EMC3: variants seen among roughly 807,000 people sequenced by gnomAD.
EMC3 encodes ER membrane protein complex subunit 3, also known as 30 kDa protein.
In EMC3, 13 loss-of-function variants were observed where a neutral mutation model predicts 36.6. That is an observed-to-expected ratio of 0.35 (90% confidence interval 0.23 to 0.56). The LOEUF (loss-of-function observed/expected upper bound fraction) is 0.56, where lower values mean the gene tolerates loss of function less well. Ranked by LOEUF, EMC3 falls within the 20% of genes least tolerant of loss-of-function variation. EMC3 has a pLI of 0.84. For synonymous variants in EMC3, 120 were observed against 111.9 expected, an observed-to-expected ratio of 1.07 and a Z score of -0.46; for missense variants, 220 against 324.5, an observed-to-expected ratio of 0.68 and a Z score of 2.47.
At chr3:9,973,489 C>T (rs547809882) in intron 5 of EMC3, 139 bp downstream of exon 5, 18 of 708,328 alleles carry the variant, frequency 2.5e-5, no homozygotes, top group South Asian at 1.9e-4. Context: ...CCACTGCGCC[C>T]GGCCTGTTTT....
At chr3:9,988,006 A>AG (rs1453594797), upstream of EMC3, 1 of 879,982 alleles carries the variant, frequency 1.1e-6, no homozygotes, top group African/African-American at 1.6e-5. Flanking sequence ...AGGACAAGCA[A>AG]GGTAAAGAGC....
intron 2 of EMC3, 79 bp downstream of exon 2, chr3:9,977,310 G>T: frequency 7.3e-7 from 1 of 1,365,880 alleles, no homozygotes; most frequent in East Asian, 2.3e-5. Context: ...GCTTTCCCCA[G>T]AGCCCCCTTA....
At chr3:9,992,996 C>G (rs1007406754) in intron 1 of EMC3, 194 of 1,500,828 alleles carry the variant, frequency 1.3e-4, no homozygotes, top group Non-Finnish European at 3.2e-5. Flanking sequence ...AGAGTACATT[C>G]TCTGTTCATT....
intron 7 of EMC3, among the ~76,000 whole-genome samples, chr3:9,965,941 CT>C (rs1386026162): frequency 6.6e-6 from 1 of 152,240 alleles, no homozygotes; most frequent in African/African-American, 2.4e-5. Context: ...GTTATGTCTA[CT>C]TTTTGATTAT....
chr3:9,986,933 G>T (rs1390855677), upstream of EMC3: 14 of 1,236,690 alleles, frequency 1.1e-5, no homozygotes, highest in African/African-American at 1.5e-5. Flanking sequence ...TATCGGCGGT[G>T]GCCCAGGCTC....
intron 5 of EMC3, among the ~76,000 whole-genome samples, chr3:9,972,014 CA>C (rs1030463372): frequency 1.3e-5 from 2 of 148,290 alleles, no homozygotes. Flanking sequence ...TTCTGCCATT[CA>C]AAAAAAAATA....
upstream of EMC3, among the ~76,000 whole-genome samples, chr3:9,989,914 A>G (rs1481117133): frequency 2.6e-5 from 4 of 151,348 alleles, no homozygotes; most frequent in Non-Finnish European, 5.9e-5. Context: ...CAGTTAAGAG[A>G]AGTAGTAAAA....
chr3:9,972,887 A>G (rs1469103440), intron 5 of EMC3, among the ~76,000 whole-genome samples: 38 of 140,590 alleles, frequency 2.7e-4, no homozygotes, highest in Middle Eastern at 0.01. Context: ...GGAGTGCAGC[A>G]GCGCCATCTC....
At chr3:9,986,315 T>C (rs865777224) in intron 1 of EMC3, among the ~76,000 whole-genome samples, 192 bp downstream of exon 1, 18 of 152,320 alleles carry the variant, frequency 1.2e-4, no homozygotes, top group Middle Eastern at 6.8e-3. Flanking sequence ...ATTTGATTCC[T>C]ACCTGTCTAT....
At chr3:10,007,741 C>T in intron 1 of EMC3, 1 of 1,044,058 alleles carries the variant, frequency 9.6e-7, no homozygotes. Context: ...CCCATCAGCA[C>T]CCATCAAGGA....
In EMC3 at chr3:9,974,374, T is replaced by C. The variant is rs1258839438; in HGVS notation, c.412+10A>G. 1.3e-6 allele frequency: 2 copies of C among 1,593,150 alleles called. No homozygotes were observed. The highest frequency in any genetic ancestry group is 1.7e-5 in the Admixed American group (1 of 59,984). On this transcript the variant is annotated intron_variant, in intron 4 of 7. Coordinates refer to ENST00000245046, the MANE Select transcript of EMC3 (RefSeq NM_001394674.1). ...TGGGTAACATGAAGTCGGCTGGGTC[T>C]GTAACTTACTTGTGACAAAGCCTGA...
chr3:10,003,540 T>C, intron 1 of EMC3: 1 of 290,970 alleles, frequency 3.4e-6, no homozygotes, highest in Admixed American at 4.3e-5. Flanking sequence ...GCTCCAGAAC[T>C]GTAAAATCCT....
chr3:9,973,351 C>G (rs762470057), intron 5 of EMC3, among the ~76,000 whole-genome samples: 1 of 151,930 alleles, frequency 6.6e-6, no homozygotes, highest in Non-Finnish European at 1.5e-5. Context: ...CCCGCCACCA[C>G]GCCTGGCTAA....
rs1209408583 is a variant in EMC3, at chr3:9,963,471, A to ATTTTTTT, written c.*597_*598insAAAAAAA. 3.9e-4 allele frequency: 43 copies of ATTTTTTT among 109,900 alleles called. 1 individual carries two copies. Among genetic ancestry groups the ATTTTTTT allele is most frequent in the African/African-American group, 1.5e-3 (43 of 28,426 alleles). 6.8% of individuals were successfully genotyped at this position (109,900 alleles called of 1,614,324 possible). A position where few individuals can be genotyped will look rare whatever the true frequency, so the allele number is the denominator to read the frequency against. On this transcript the variant is annotated 3_prime_UTR_variant, in exon 8 of 8. Coordinates refer to ENST00000245046, the MANE Select transcript of EMC3 (RefSeq NM_001394674.1). Reference sequence around the variant, plus strand: ...CTAAGATAGATATATATATATATATATATATATTTTTTTTTTTTTTTCAGA... The same window carrying ATTTTTTT: ...CTAAGATAGATATATATATATATATATTTTTTTTATATATTTTTTTTTTTTTTTCAGA...
At chr3:10,002,446 T>C (rs2086215465) in intron 1 of EMC3, among the ~76,000 whole-genome samples, 1 of 151,994 alleles carries the variant, frequency 6.6e-6, no homozygotes, top group Non-Finnish European at 1.5e-5. Flanking sequence ...GCACTGCAGC[T>C]GGCTAATTTC....
chr3:10,003,360 C>T lies in EMC3; in HGVS notation c.-242+7663G>A, dbSNP rs904531531. The T allele has an allele frequency of 1.6e-5, 6 of 372,014 alleles. No homozygotes were observed. The Admixed American group carries it at 2.1e-4, about 13-fold the overall frequency. 23.0% of individuals were successfully genotyped at this position (372,014 alleles called of 1,614,324 possible). A position where few individuals can be genotyped will look rare whatever the true frequency, so the allele number is the denominator to read the frequency against. The stretch of plus-strand genomic sequence containing the variant: ...AAATGTTTTTGCCTGTGTCCACCGC[C>T]GAAAAGGAGGAATAAGATGACCCCA... On this transcript the variant is annotated intron_variant, in intron 1 of 8. Coordinates refer to the EMC3 transcript ENST00000470827.
At chr3:9,982,700 C>G (rs935520790) in intron 1 of EMC3, among the ~76,000 whole-genome samples, 3 of 151,896 alleles carry the variant, frequency 2.0e-5, no homozygotes, top group African/African-American at 4.8e-5. Flanking sequence ...CCGGCCTGGG[C>G]AACGGAGGAG....
At chr3:9,973,818 A>C in intron 4 of EMC3, 109 bp from the exon 5 acceptor site, 1 of 972,542 alleles carries the variant, frequency 1.0e-6, no homozygotes, top group Non-Finnish European at 1.6e-6. Flanking sequence ...CTTTTGGAAA[A>C]CGACTTCCAC....
chr3:9,997,619 C>G (rs2086143055), intron 1 of EMC3, among the ~76,000 whole-genome samples: 1 of 152,074 alleles, frequency 6.6e-6, no homozygotes, highest in Non-Finnish European at 1.5e-5. Flanking sequence ...ACCACCACAC[C>G]CAGCTAATTT....
Sources: gnomAD v4.1 joint callset for allele counts (sites outside exome capture counted in the v4.1 genomes callset) on GRCh38, gnomAD v4.1.1 for gene constraint, MANE v1.5 for transcripts, NCBI Gene and HGNC (gene_info 2026-07-23, HGNC 2026-07-21) for gene names.